LRRC4B: variants seen among roughly 807,000 people sequenced by gnomAD.
The protein encoded by LRRC4B is leucine rich repeat containing 4B.
Under a neutral mutation model 7.3 loss-of-function variants are expected in LRRC4B, and 1 was observed. The observed-to-expected ratio is 0.14, with a 90% CI of 0.05 to 0.65. LRRC4B has a LOEUF of 0.65. Among genes scored for constraint, LRRC4B ranks in the 30% least tolerant of loss-of-function variants. The probability of loss-of-function intolerance (pLI) is 0.84; values close to 1 mark genes in which losing one functional copy is unlikely to be tolerated. For missense variants in LRRC4B, 730 were observed against 1,041.6 expected, an observed-to-expected ratio of 0.70 and a Z score of 4.12; for synonymous variants, 500 against 499.2, an observed-to-expected ratio of 1.00 and a Z score of -0.02.
In LRRC4B at chr19:50,553,246, G is replaced by A. The variant is rs760058180; in HGVS notation, c.-35-4373C>T. Among the ~76,000 whole-genome samples the A allele has an allele frequency of 2.6e-5, 4 of 151,886 alleles. No homozygotes were observed. Among genetic ancestry groups the A allele is most frequent in the Non-Finnish European group, 4.4e-5 (3 of 67,968 alleles). ...CTGCCTTCACCCCCACTCCCCGTGC[G>A]TTCCCCACGGGCAGCGAGGGGTATC... On this transcript the variant is annotated intron_variant, in intron 1 of 2. Coordinates refer to ENST00000652263, the MANE Select transcript of LRRC4B (RefSeq NM_001080457.2). This position sits in a 1 kb window ranked among gnomAD's most constrained non-coding sequence, Gnocchi z 4.2.
chr19:50,518,083 G>C lies in LRRC4B; in HGVS notation c.1630C>G (p.Arg544Gly). Residue 544 changes from arginine to glycine, a missense_variant, in exon 3 of 3, where the codon CGC becomes GGC. Transcript: ENST00000652263. ...ASSSTTAPAP[R>G]SSRPTEKAFT... is the part of the protein sequence containing the mutation. ...GCCTTCTCCGTGGGCCGCGAGGAGC[G>C]CGGGGCGGGTGCCGTGGTAGAAGAC... The C allele has an allele frequency of 6.3e-7, 1 of 1,595,682 alleles. No individual in the cohort carries two copies. Among genetic ancestry groups the C allele is most frequent in the Non-Finnish European group, 8.5e-7 (1 of 1,173,878 alleles).
Position 50,517,567 on chromosome 19 carries a change from C to A in LRRC4B, c.*4G>T. On this transcript the variant is annotated 3_prime_UTR_variant, in exon 3 of 3. Transcript: ENST00000652263. The surrounding 1 kb of genome is among the most constrained non-coding windows in gnomAD (Gnocchi z 6.6). ...ACGCCCCTCGCCCGCCCGGCCCCGC[C>A]GCCTCAGATCTGCGTCTCTTGCACG... 1 of 1,422,330 alleles carries A rather than the reference C, an allele frequency of 7.0e-7. No individual in the cohort carries two copies. Among genetic ancestry groups the A allele is most frequent in the East Asian group, 2.7e-5 (1 of 36,646 alleles). 88.1% of individuals were successfully genotyped at this position (1,422,330 alleles called of 1,614,324 possible). A position where few individuals can be genotyped will look rare whatever the true frequency, so the allele number is the denominator to read the frequency against.
At chr19:50,554,995 T>C (rs546879012) in intron 1 of LRRC4B, among the ~76,000 whole-genome samples, 1 of 152,248 alleles carries the variant, frequency 6.6e-6, no homozygotes, top group East Asian at 1.9e-4. Flanking sequence ...CAGCCACCCT[T>C]CCTCAGCCCC....
chr19:50,538,571 T>G (rs971034833), intron 2 of LRRC4B, among the ~76,000 whole-genome samples: 13 of 121,522 alleles, frequency 1.1e-4, no homozygotes, highest in South Asian at 2.3e-4. Context: ...TTTTTTTTTT[T>G]TTTTTTTTTT....
At chr19:50,535,777 C>A (rs1216310240) in intron 2 of LRRC4B, among the ~76,000 whole-genome samples, 1 of 152,200 alleles carries the variant, frequency 6.6e-6, no homozygotes, top group Non-Finnish European at 1.5e-5. Context: ...CCCATTCATC[C>A]TCCTGGGAGT....
chr19:50,534,169 G>T (rs750276126), intron 2 of LRRC4B, among the ~76,000 whole-genome samples: 2 of 152,216 alleles, frequency 1.3e-5, no homozygotes, highest in Non-Finnish European at 2.9e-5. Flanking sequence ...CCTCAGAGAA[G>T]AAGAGAGACA....
intron 2 of LRRC4B, among the ~76,000 whole-genome samples, chr19:50,535,636 C>G (rs755797357): frequency 2.6e-5 from 4 of 152,208 alleles, no homozygotes; most frequent in Non-Finnish European, 5.9e-5. Flanking sequence ...GTCCCTGAGA[C>G]AAGGAACTTG....
rs905665806 is a variant in LRRC4B, at chr19:50,555,066, C to T, written c.-35-6193G>A. ...CGACACCCCACCACGGCTTCACGCC[C>T]GGCTGGCAGAGGCTCCATGGACTGC... On this transcript the variant is annotated intron_variant, in intron 1 of 2. Transcript: ENST00000652263. The surrounding 1 kb of genome is among the most constrained non-coding windows in gnomAD (Gnocchi z 5.2). Among the ~76,000 whole-genome samples, 7 of 152,208 alleles carry T rather than the reference C, an allele frequency of 4.6e-5. No homozygotes were observed. The highest frequency in any genetic ancestry group is 1.4e-4 in the African/African-American group (6 of 41,442).
intron 1 of LRRC4B, among the ~76,000 whole-genome samples, chr19:50,549,173 C>T (rs1981947362): frequency 6.6e-6 from 1 of 152,202 alleles, no homozygotes; most frequent in Non-Finnish European, 1.5e-5. Context: ...CAAGGTCACT[C>T]ATCCAGTAAG....
chr19:50,540,304 G>A (rs985257700), intron 2 of LRRC4B, among the ~76,000 whole-genome samples: 1 of 152,116 alleles, frequency 6.6e-6, no homozygotes, highest in African/African-American at 2.4e-5. Context: ...GAGCATTACT[G>A]TCTGAGCTCT....
intron 2 of LRRC4B, among the ~76,000 whole-genome samples, chr19:50,533,259 T>C (rs1568723171): frequency 1.3e-5 from 2 of 152,246 alleles, no homozygotes; most frequent in East Asian, 1.9e-4. Context: ...TCCCCTTTCC[T>C]GTCTTCTTTG....
chr19:50,559,642 C>T (rs1219054400), intron 1 of LRRC4B, among the ~76,000 whole-genome samples: 1 of 152,190 alleles, frequency 6.6e-6, no homozygotes, highest in Non-Finnish European at 1.5e-5. Context: ...GGGGCGTGGC[C>T]CCCGCCAGCT....
At position 50,518,136 on chromosome 19, in the gene LRRC4B, C is replaced by T. The variant is rs761783087; in HGVS notation, c.1577G>A (p.Arg526Gln). ...GGCAGGGCCGGCCGCGTCCCCAGGC[C>T]GGCCCCCACCCCAGACACCGTCTGT... ...PTTDGVWGGG[R>Q]PGDAAGPASS... Residue 526 changes from arginine (R) to glutamine (Q), a missense_variant, in exon 3 of 3, where the codon CGG becomes CAG. Physicochemically the swap from Arg to Gln is conservative, Grantham distance 43. Transcript: ENST00000652263. The T allele has an allele frequency of 6.3e-6, 10 of 1,597,702 alleles. No individual in the cohort carries two copies. Among genetic ancestry groups the T allele is most frequent in the Middle Eastern group, 1.7e-4 (1 of 5,964 alleles).
intron 2 of LRRC4B, among the ~76,000 whole-genome samples, chr19:50,527,014 C>T (rs938319201): frequency 3.4e-5 from 5 of 146,588 alleles, no homozygotes; most frequent in Non-Finnish European, 4.6e-5. Flanking sequence ...CCACTACGCC[C>T]GGCTAATTTT....
intron 1 of LRRC4B, among the ~76,000 whole-genome samples, chr19:50,567,671 C>T (rs1196725025): frequency 6.7e-6 from 1 of 150,038 alleles, no homozygotes; most frequent in Non-Finnish European, 1.5e-5. Context: ...CAGCGACCGC[C>T]GGACGCACCC....
At chr19:50,535,793 C>T (rs529247025) in intron 2 of LRRC4B, among the ~76,000 whole-genome samples, 2 of 152,312 alleles carry the variant, frequency 1.3e-5, no homozygotes, top group East Asian at 3.9e-4. Flanking sequence ...GGAGTGGCCT[C>T]CTGAGCCCTT....
intron 2 of LRRC4B, among the ~76,000 whole-genome samples, chr19:50,525,044 G>A (rs534591986): frequency 4.6e-5 from 7 of 152,206 alleles, no homozygotes; most frequent in Non-Finnish European, 1.0e-4. Flanking sequence ...GCCCCTCCCC[G>A]TCTCGCTCGG....
intron 2 of LRRC4B, among the ~76,000 whole-genome samples, chr19:50,547,571 T>C (rs1981867809): frequency 6.6e-6 from 1 of 150,842 alleles, no homozygotes; most frequent in African/African-American, 2.4e-5. Flanking sequence ...TTGGACCAAA[T>C]CAGCCTGGGG....
intron 2 of LRRC4B, among the ~76,000 whole-genome samples, chr19:50,525,242 G>C (rs1290070331): frequency 6.6e-6 from 1 of 152,150 alleles, no homozygotes; most frequent in Non-Finnish European, 1.5e-5. Context: ...AAGCACTTCA[G>C]AGGGTGAGGG....
Sources: gnomAD v4.1 joint callset for allele counts (sites outside exome capture counted in the v4.1 genomes callset) on GRCh38, gnomAD v4.1.1 for gene constraint, Gnocchi (gnomAD v3.1) non-coding constraint, MANE v1.5 for transcripts, NCBI Gene and HGNC (gene_info 2026-07-23, HGNC 2026-07-21) for gene names.